ZFHX3: variants seen among roughly 807,000 people sequenced by gnomAD.
ZFHX3 encodes zinc finger homeobox protein 3.
A neutral mutation model predicts 279.1 loss-of-function variants in ZFHX3; 42 were observed. The observed-to-expected ratio is 0.15, with a 90% CI of 0.12 to 0.19. The LOEUF is 0.19. Among genes scored for constraint, ZFHX3 ranks in the 10% least tolerant of loss-of-function variants. The pLI, the probability that ZFHX3 is intolerant of heterozygous loss-of-function variation, is 1.00. For missense variants in ZFHX3, 4,981 were observed against 4,754.0 expected, an observed-to-expected ratio of 1.05 and a Z score of -1.40; for synonymous variants, 2,293 against 1,957.8, an observed-to-expected ratio of 1.17 and a Z score of -4.52.
chr16:73,283,516 G>T (rs766266557), intron 4 of ZFHX3, among the ~76,000 whole-genome samples: 9 of 152,236 alleles, frequency 5.9e-5, no homozygotes, highest in Admixed American at 5.2e-4. Flanking sequence ...CTACTGGGGG[G>T]ACTATCAACT....
intron 4 of ZFHX3, among the ~76,000 whole-genome samples, chr16:73,281,031 G>A (rs28868312): frequency 0.19 from 7,331 of 37,916 alleles, 617 homozygotes; most frequent in African/African-American, 0.38. Flanking sequence ...AGAGGAGAGG[G>A]GAGGGGAGGG....
At chr16:73,249,953 A>G (rs1006590227) in intron 5 of ZFHX3, among the ~76,000 whole-genome samples, 3 of 152,222 alleles carry the variant, frequency 2.0e-5, no homozygotes, top group Non-Finnish European at 4.4e-5. Context: ...AAGTCTCACA[A>G]TAACAAGTGT....
intron 5 of ZFHX3, among the ~76,000 whole-genome samples, chr16:73,187,425 C>T (rs1433063686): frequency 1.3e-5 from 2 of 151,962 alleles, no homozygotes; most frequent in Non-Finnish European, 2.9e-5. Context: ...GTCCTAATCC[C>T]TGACCCCCCT....
chr16:73,714,679 C>T (rs1340964520), intron 1 of ZFHX3, among the ~76,000 whole-genome samples: 1 of 152,176 alleles, frequency 6.6e-6, no homozygotes, highest in African/African-American at 2.4e-5. Flanking sequence ...AACATGCTTT[C>T]CACCATTACT....
At chr16:73,839,777 G>A (rs1461103058) in intron 1 of ZFHX3, among the ~76,000 whole-genome samples, 1 of 152,232 alleles carries the variant, frequency 6.6e-6, no homozygotes, top group Middle Eastern at 3.2e-3. Flanking sequence ...AAGGGGACGT[G>A]CTGCTGCCCT....
At position 73,769,313 on chromosome 16, in the gene ZFHX3, A is replaced by T. The variant is rs920471001; in HGVS notation, c.-1607-89073T>A. 2.6e-5 allele frequency among the ~76,000 whole-genome samples: 4 copies of T among 152,302 alleles called. No individual in the cohort carries two copies. In the South Asian group the frequency reaches 6.2e-4, roughly 24 times the overall value. ...TTCATGAGGATTTAAGTAAATCTGT[A>T]AGCCACCTAGCAAACCCTTGCAAGC... On this transcript the variant is annotated intron_variant, in intron 1 of 17. Coordinates refer to the ZFHX3 transcript ENST00000641206.
intron 1 of ZFHX3, among the ~76,000 whole-genome samples, chr16:73,002,851 T>A (rs531130971): frequency 2.4e-4 from 36 of 152,352 alleles, no homozygotes; most frequent in Admixed American, 5.9e-4. Context: ...TTTAAGCACA[T>A]ATTTTCTTCT....
chr16:73,033,529 G>A (rs867890846), intron 1 of ZFHX3, among the ~76,000 whole-genome samples: 7 of 150,690 alleles, frequency 4.6e-5, no homozygotes, highest in Non-Finnish European at 7.4e-5. Context: ...GGGGGCAGGC[G>A]GGGGGTGGGG....
At chr16:73,821,037 G>A (rs907076848) in intron 1 of ZFHX3, among the ~76,000 whole-genome samples, 8 of 152,132 alleles carry the variant, frequency 5.3e-5, no homozygotes, top group South Asian at 2.1e-4. Context: ...TCTAGAGAGC[G>A]TGAGTCTCCT....
intron 5 of ZFHX3, among the ~76,000 whole-genome samples, chr16:73,215,536 A>G (rs2012173248): frequency 6.6e-6 from 1 of 152,226 alleles, no homozygotes; most frequent in South Asian, 2.1e-4. Context: ...TTCTAAATAT[A>G]TGAGTGAGGC....
chr16:73,846,650 G>T (rs148612532), intron 1 of ZFHX3, among the ~76,000 whole-genome samples: 1 of 152,116 alleles, frequency 6.6e-6, no homozygotes, highest in African/African-American at 2.4e-5. Context: ...CAAATGTCTC[G>T]GCGCCCCCTT....
At chr16:73,530,651 C>T (rs1432183697) in intron 2 of ZFHX3, among the ~76,000 whole-genome samples, 1 of 152,096 alleles carries the variant, frequency 6.6e-6, no homozygotes, top group African/African-American at 2.4e-5. Flanking sequence ...ATCAACATTC[C>T]TCAATTTTCT....
At chr16:73,761,595 T>C (rs1324410352) in intron 1 of ZFHX3, among the ~76,000 whole-genome samples, 1 of 152,162 alleles carries the variant, frequency 6.6e-6, no homozygotes, top group African/African-American at 2.4e-5. Flanking sequence ...ACTACAAGGC[T>C]ATAGTAATCA....
chr16:73,114,893 A>T (rs1221859576), intron 7 of ZFHX3, among the ~76,000 whole-genome samples: 1 of 152,094 alleles, frequency 6.6e-6, no homozygotes, highest in Admixed American at 6.5e-5. Flanking sequence ...ACTGGGCTCA[A>T]GAAATCCTCC....
At chr16:73,453,965 G>A (rs1353393188) in intron 3 of ZFHX3, among the ~76,000 whole-genome samples, 1 of 152,136 alleles carries the variant, frequency 6.6e-6, no homozygotes, top group Non-Finnish European at 1.5e-5. Context: ...TGTAATTCAA[G>A]ATGAGATTTG....
intron 1 of ZFHX3, among the ~76,000 whole-genome samples, chr16:73,001,573 G>T (rs534842588): frequency 6.6e-6 from 1 of 152,134 alleles, no homozygotes; most frequent in African/African-American, 2.4e-5. Flanking sequence ...AACACTTTGG[G>T]AGGCTGAAGT....
At chr16:73,317,705 G>GCACATA (rs910995779) in intron 4 of ZFHX3, among the ~76,000 whole-genome samples, 1 of 152,168 alleles carries the variant, frequency 6.6e-6, no homozygotes, top group African/African-American at 2.4e-5. Flanking sequence ...ACCCACTCAT[G>GCACATA]CACATACACA....
At chr16:73,231,190 G>C (rs766770693) in intron 5 of ZFHX3, among the ~76,000 whole-genome samples, 1 of 152,236 alleles carries the variant, frequency 6.6e-6, no homozygotes, top group Non-Finnish European at 1.5e-5. Flanking sequence ...TGCATGCCCA[G>C]CATCACTGTG....
rs554224423 is a variant in ZFHX3, at chr16:73,031,451, G to T, written c.-50+16301C>A. 2.5e-4 allele frequency among the ~76,000 whole-genome samples: 38 copies of T among 152,282 alleles called. No homozygotes were observed. In the South Asian group the frequency reaches 7.5e-3, roughly 30 times the overall value. ...GCATTCCAGGTATCAGGAGGCCAAA[G>T]GGAAAAGCGATTTTCCTTGGTTTGG... On this transcript the variant is annotated intron_variant, in intron 1 of 9. Coordinates refer to ENST00000268489, the MANE Select transcript of ZFHX3 (RefSeq NM_006885.4).
Sources: allele counts gnomAD v4.1 joint callset (sites outside exome capture counted in the v4.1 genomes callset), GRCh38; gene constraint gnomAD v4.1.1; transcripts MANE v1.5; gene names NCBI Gene and HGNC (gene_info 2026-07-23, HGNC 2026-07-21).